Variants in AXL observed in about 807,000 individuals in gnomAD.
AXL encodes the protein AXL receptor tyrosine kinase, also known as tyrosine-protein kinase receptor UFO.
In AXL, 52 loss-of-function variants were observed where a neutral mutation model predicts 104.5. That is an observed-to-expected ratio of 0.50 (90% CI 0.40 to 0.63). AXL has a LOEUF of 0.63. AXL is among the 20% of genes least tolerant of loss of function. The pLI is 0.00. For missense variants in AXL, 1,024 were observed against 1,188.5 expected, an observed-to-expected ratio of 0.86 and a Z score of 2.04; for synonymous variants, 455 against 473.7, an observed-to-expected ratio of 0.96 and a Z score of 0.51.
At position 41,237,938 on chromosome 19, in the gene AXL, C is replaced by T; in HGVS notation, c.784-6C>T. The T allele has an allele frequency of 6.2e-7, 1 of 1,613,406 alleles. No homozygotes were observed. Among genetic ancestry groups the T allele is most frequent in the Non-Finnish European group, 8.5e-7 (1 of 1,179,472 alleles). On this transcript the variant is annotated splice_polypyrimidine_tract_variant and splice_region_variant and intron_variant, in intron 6 of 19. Coordinates refer to ENST00000301178, the MANE Select transcript of AXL (RefSeq NM_021913.5). ...GTCCCGTCCTCACACCCTTGCCTCT[C>T]CTCAGGCTGTGCTGTCAGACGATGG...
intron 14 of AXL, among the ~76,000 whole-genome samples, chr19:41,249,644 T>A (rs1187032785): frequency 6.6e-6 from 1 of 151,666 alleles, no homozygotes; most frequent in Non-Finnish European, 1.5e-5. Flanking sequence ...TAATCCCAGC[T>A]ACTCGGGAGG....
At chr19:41,252,751 TG>T in intron 15 of AXL, 94 bp from the exon 16 acceptor site, 1 of 1,577,474 alleles carries the variant, frequency 6.3e-7, no homozygotes, top group Non-Finnish European at 8.6e-7. Context: ...CCAGATTGGA[TG>T]GGTAGTGAGA....
At position 41,256,625 on chromosome 19, in the gene AXL, C is replaced by T. The variant is rs1271379678; in HGVS notation, c.2196+14C>T. Reference sequence around the variant, plus strand: ...AAGAGCGATGTGGTAGGTGCACTCCCGCCAAGAGTGGGGAACCATGGGAGG... The same window carrying T: ...AAGAGCGATGTGGTAGGTGCACTCCTGCCAAGAGTGGGGAACCATGGGAGG... On this transcript the variant is annotated intron_variant, in intron 18 of 19. Coordinates refer to ENST00000301178, the MANE Select transcript of AXL (RefSeq NM_021913.5). The T allele has an allele frequency of 8.1e-6, 13 of 1,609,274 alleles. No homozygotes were observed. The highest frequency in any genetic ancestry group is 4.5e-5 in the East Asian group (2 of 44,692).
At chr19:41,220,958 G>A (rs1335060215) in intron 2 of AXL, 100 bp downstream of exon 2, 36 of 1,389,712 alleles carry the variant, frequency 2.6e-5, no homozygotes, top group Non-Finnish European at 3.3e-5. Flanking sequence ...TGTCAGCCGT[G>A]CGGCTTTGAG....
At chr19:41,219,516 G>C (rs1260226484) in intron 1 of AXL, 39 bp downstream of exon 1, 1 of 1,569,070 alleles carries the variant, frequency 6.4e-7, no homozygotes, top group Non-Finnish European at 8.7e-7. Context: ...GATCCCCTCG[G>C]AGGGGCTGGG....
intron 14 of AXL, 104 bp from the exon 15 acceptor site, chr19:41,252,247 T>G (rs1377641988): frequency 1.0e-6 from 1 of 966,580 alleles, no homozygotes; most frequent in Non-Finnish European, 1.6e-6. Flanking sequence ...TCATGTTTGA[T>G]GAAGATGAGT....
rs10411373 is a variant in AXL, at chr19:41,219,397, C to A, written c.5C>A (p.Ala2Glu). Residue 2 changes from alanine to glutamate, a missense_variant, in exon 1 of 20, where the codon GCG becomes GAG. Coordinates refer to ENST00000301178, the MANE Select transcript of AXL (RefSeq NM_021913.5). M[A>E]WRCPRMGRVP... Reference sequence around the variant, plus strand: ...TCTGAGGAAAGTTTGGCACCCATGGCGTGGCGGTGCCCCAGGATGGGCAGG... The same window carrying A: ...TCTGAGGAAAGTTTGGCACCCATGGAGTGGCGGTGCCCCAGGATGGGCAGG... 14 of 1,597,140 alleles carry A rather than the reference C, an allele frequency of 8.8e-6. No homozygotes were observed. Among genetic ancestry groups the A allele is most frequent in the Middle Eastern group, 1.7e-4 (1 of 5,810 alleles).
At chr19:41,244,771 G>A (rs1017419903) in intron 12 of AXL, among the ~76,000 whole-genome samples, 27 of 152,038 alleles carry the variant, frequency 1.8e-4, no homozygotes, top group African/African-American at 5.3e-4. Context: ...GATAACAGGC[G>A]TGAGCCACCA....
intron 19 of AXL, among the ~76,000 whole-genome samples, chr19:41,259,055 C>T (rs956693229): frequency 2.0e-5 from 3 of 152,224 alleles, no homozygotes; most frequent in Non-Finnish European, 2.9e-5. Flanking sequence ...GGAGAAAGTG[C>T]GAGGAAGCCA....
In AXL at chr19:41,219,368, A is replaced by G. The variant is rs1342879119; in HGVS notation, c.-25A>G. The G allele has an allele frequency of 1.3e-6, 2 of 1,570,432 alleles. No homozygotes were observed. Among genetic ancestry groups the G allele is most frequent in the South Asian group, 2.3e-5 (2 of 85,354 alleles). On this transcript the variant is annotated 5_prime_UTR_variant, in exon 1 of 20. Transcript: ENST00000301178. ...CCCCCTCCCCCGCTGGGAGCCCAAC[A>G]ACTTCTGAGGAAAGTTTGGCACCCA...
At chr19:41,253,914 G>T (rs1005772987) in intron 17 of AXL, among the ~76,000 whole-genome samples, 2 of 152,042 alleles carry the variant, frequency 1.3e-5, no homozygotes, top group African/African-American at 4.8e-5. Context: ...GCATTTGGAT[G>T]CGGAGAGGGA....
chr19:41,238,218 A>ACCCCCATT, intron 7 of AXL, 64 bp downstream of exon 7: 1 of 1,561,910 alleles, frequency 6.4e-7, no homozygotes, highest in Non-Finnish European at 8.8e-7. Context: ...TATCAGTGCC[A>ACCCCCATT]CCCCCATTGT....
chr19:41,221,037 T>A, intron 2 of AXL, 109 bp from the exon 3 acceptor site: 1 of 1,199,494 alleles, frequency 8.3e-7, no homozygotes, highest in South Asian at 1.5e-5. Flanking sequence ...ACATACTTCG[T>A]GGTTGTCATG....
chr19:41,219,506 G>A, intron 1 of AXL, 29 bp downstream of exon 1: 1 of 1,570,018 alleles, frequency 6.4e-7, no homozygotes. Context: ...TTGGGGCAGG[G>A]ATCCCCTCGG....
At chr19:41,252,278 T>C (rs551618092) in intron 14 of AXL, 73 bp from the exon 15 acceptor site, 47 of 1,176,330 alleles carry the variant, frequency 4.0e-5, no homozygotes, top group Non-Finnish European at 5.5e-5. Context: ...ATGATGATGA[T>C]GATGGAGTGG....
Position 41,246,504 on chromosome 19 carries a change from C to T in AXL, c.1538-2010C>T, listed in dbSNP as rs555898707. Among the ~76,000 whole-genome samples, 3 of 149,292 alleles carry T rather than the reference C, an allele frequency of 2.0e-5. No individual in the cohort carries two copies. In the South Asian group the frequency reaches 6.3e-4, roughly 32 times the overall value. ...TTCTTTTGAGGCCAGGAGTTTGAAA[C>T]CAGTGTGGGCAACATGGCAAAACCC... On this transcript the variant is annotated intron_variant, in intron 12 of 19. Coordinates refer to ENST00000301178, the MANE Select transcript of AXL (RefSeq NM_021913.5).
Position 41,243,009 on chromosome 19 carries a change from G to A in AXL, c.1439G>A (p.Arg480His), listed in dbSNP as rs751855310. 2.8e-5 allele frequency: 46 copies of A among 1,614,070 alleles called. No individual in the cohort carries two copies. The highest frequency in any genetic ancestry group is 1.6e-4 in the Middle Eastern group (1 of 6,084). Residue 480 changes from arginine (R) to histidine (H), a missense_variant, in exon 11 of 20, where the codon CGT becomes CAT. By Grantham distance (29) the Arg-to-His change is conservative. Coordinates refer to ENST00000301178, the MANE Select transcript of AXL (RefSeq NM_021913.5). ...GTCCACCGGCGAAAGAAGGAGACCC[G>A]TTATGGGTGAGTTGGAACCACATGG... Reference protein sequence around the residue: ...FLVHRRKKETRYGEVFEPTVE... With the variant: ...FLVHRRKKETHYGEVFEPTVE...
At chr19:41,252,569 A>G (rs2034383513) in intron 15 of AXL, 126 bp downstream of exon 15, 4 of 1,161,320 alleles carry the variant, frequency 3.4e-6, no homozygotes, top group Non-Finnish European at 4.9e-6. Flanking sequence ...CTTCAGGGTC[A>G]GCAGGCTTCC....
Position 41,222,034 on chromosome 19 carries a change from C to T in AXL, c.564C>T (p.Pro188=). 1 of 1,586,714 alleles carries T rather than the reference C, an allele frequency of 6.3e-7. No individual in the cohort carries two copies. Among genetic ancestry groups the T allele is most frequent in the Non-Finnish European group, 8.6e-7 (1 of 1,168,612 alleles). ...VPLATAPGHG[P]QRSLHVPGLN... ...TGGCCACGGCTCCAGGTCACGGCCC[C>T]CAGCGCAGCCTGCATGTTCCAGGTG... is the stretch of plus-strand genomic sequence containing the variant. The change falls in exon 4 of 20, where the codon CCC becomes CCT. Residue 188 remains proline (P), a synonymous_variant. Transcript: ENST00000301178.
Sources: gnomAD v4.1 joint callset for allele counts (sites outside exome capture counted in the v4.1 genomes callset) on GRCh38, gnomAD v4.1.1 for gene constraint, MANE v1.5 for transcripts, NCBI Gene and HGNC (gene_info 2026-07-23, HGNC 2026-07-21) for gene names.